Variants in MAPRE2 observed in about 807,000 individuals in gnomAD.
MAPRE2 encodes microtubule associated protein RP/EB family member 2, also known as microtubule-associated protein RP/EB family member 2.
A neutral mutation model predicts 43.2 loss-of-function variants in MAPRE2; 13 were observed. The observed-to-expected ratio is 0.30, with a 90% CI of 0.20 to 0.48. MAPRE2 has a LOEUF of 0.48. MAPRE2 is among the 20% of genes least tolerant of loss of function. The pLI, the probability that MAPRE2 is intolerant of heterozygous loss-of-function variation, is 0.99. For missense variants in MAPRE2, 161 were observed against 400.2 expected, an observed-to-expected ratio of 0.40 and a Z score of 5.10; for synonymous variants, 135 against 148.8, an observed-to-expected ratio of 0.91 and a Z score of 0.68.
At position 35,094,225 on chromosome 18, in the gene MAPRE2, T is replaced by G. The variant is rs535581247; in HGVS notation, c.251-3221T>G. ...AAAAGATCACACTTGTACCCCATAATGTATATAATTATTTATCAAAAACAA... is the reference window on the plus strand; with the variant it reads ...AAAAGATCACACTTGTACCCCATAAGGTATATAATTATTTATCAAAAACAA... On this transcript the variant is annotated intron_variant, in intron 2 of 6. Transcript: ENST00000300249. Among the ~76,000 whole-genome samples, 31 of 152,334 alleles carry G rather than the reference T, an allele frequency of 2.0e-4. No homozygotes were observed. In the South Asian group the frequency reaches 6.4e-3, roughly 32 times the overall value.
intron 2 of MAPRE2, among the ~76,000 whole-genome samples, chr18:35,022,045 A>G (rs904754676): frequency 6.6e-6 from 1 of 152,198 alleles, no homozygotes; most frequent in Non-Finnish European, 1.5e-5. Context: ...CATGCTTTCA[A>G]AGTTCTGAGG....
intron 1 of MAPRE2, among the ~76,000 whole-genome samples, chr18:35,051,594 T>C (rs1200803286): frequency 6.6e-6 from 1 of 152,168 alleles, no homozygotes; most frequent in African/African-American, 2.4e-5. Context: ...CCTACCTCCT[T>C]TCCTAACCTC....
intron 2 of MAPRE2, among the ~76,000 whole-genome samples, chr18:35,034,060 A>G (rs1361274248): frequency 6.6e-6 from 1 of 152,160 alleles, no homozygotes; most frequent in East Asian, 1.9e-4. Context: ...CACCAAGTCA[A>G]TCCTAAGCAA....
At chr18:35,077,659 C>T (rs1369599474) in intron 2 of MAPRE2, among the ~76,000 whole-genome samples, 1 of 152,172 alleles carries the variant, frequency 6.6e-6, no homozygotes, top group Non-Finnish European at 1.5e-5. Flanking sequence ...TCCATAGCCC[C>T]AGGGATCTTG....
intron 1 of MAPRE2, among the ~76,000 whole-genome samples, chr18:34,993,603 G>A (rs1160558106): frequency 1.3e-5 from 2 of 152,144 alleles, no homozygotes; most frequent in African/African-American, 2.4e-5. Context: ...AACAGAAGTC[G>A]GAATCATTTC....
chr18:35,113,135 C>A (rs1171207843), intron 4 of MAPRE2, among the ~76,000 whole-genome samples: 4 of 152,198 alleles, frequency 2.6e-5, no homozygotes, highest in Non-Finnish European at 5.9e-5. Context: ...AACATTCAGA[C>A]TATAGCACCT....
intron 3 of MAPRE2, among the ~76,000 whole-genome samples, chr18:35,100,098 C>A (rs186506758): frequency 6.6e-6 from 1 of 152,304 alleles, no homozygotes. Flanking sequence ...CACATGCTTA[C>A]ACACTCACAC....
intron 2 of MAPRE2, among the ~76,000 whole-genome samples, chr18:35,029,408 G>C (rs988779139): frequency 6.6e-6 from 1 of 152,122 alleles, no homozygotes; most frequent in African/African-American, 2.4e-5. Flanking sequence ...TCAGGAAGAC[G>C]CTTCCTTCCA....
intron 1 of MAPRE2, among the ~76,000 whole-genome samples, chr18:35,062,420 T>C (rs1906579420): frequency 6.6e-6 from 1 of 152,272 alleles, no homozygotes; most frequent in South Asian, 2.1e-4. Context: ...ACAAAACGGC[T>C]ATTTCTGTTA....
intron 2 of MAPRE2, among the ~76,000 whole-genome samples, chr18:35,093,663 G>A (rs1243800937): frequency 6.6e-6 from 1 of 152,166 alleles, no homozygotes; most frequent in Non-Finnish European, 1.5e-5. Context: ...AATAAGCCAG[G>A]CACAGAAAGA....
intron 4 of MAPRE2, among the ~76,000 whole-genome samples, chr18:35,125,177 G>T (rs1169533828): frequency 6.6e-6 from 1 of 152,104 alleles, no homozygotes; most frequent in African/African-American, 2.4e-5. Flanking sequence ...GCTTCTAGGG[G>T]GTGTGACTTG....
intron 6 of MAPRE2, among the ~76,000 whole-genome samples, chr18:35,138,294 C>A (rs2144262748): frequency 6.6e-6 from 1 of 152,166 alleles, no homozygotes; most frequent in South Asian, 2.1e-4. Flanking sequence ...GTGCAAGGGT[C>A]AGGAAGACAC....
intron 1 of MAPRE2, among the ~76,000 whole-genome samples, chr18:34,984,940 T>A (rs1247011093): frequency 6.6e-5 from 1 of 15,242 alleles, no homozygotes; most frequent in East Asian, 5.2e-3. Flanking sequence ...TGTTATATAA[T>A]ATATAAAATA....
chr18:35,108,777 T>G (rs1360590844), intron 4 of MAPRE2, among the ~76,000 whole-genome samples: 1 of 152,122 alleles, frequency 6.6e-6, no homozygotes, highest in East Asian at 1.9e-4. Context: ...AATGTCTTCT[T>G]TTGAGAAGTA....
intron 1 of MAPRE2, among the ~76,000 whole-genome samples, chr18:34,996,763 C>T (rs775836081): frequency 3.9e-4 from 59 of 152,284 alleles, no homozygotes; most frequent in African/African-American, 9.1e-4. Context: ...ACCTTGTATA[C>T]GAAGTCTTCA....
At chr18:35,005,191 G>C (rs2097031256) in intron 1 of MAPRE2, among the ~76,000 whole-genome samples, 1 of 151,908 alleles carries the variant, frequency 6.6e-6, no homozygotes. Flanking sequence ...ATCAGGGCAG[G>C]GGAAAAACAA....
intron 6 of MAPRE2, among the ~76,000 whole-genome samples, chr18:35,135,283 A>G (rs1910335926): frequency 6.6e-6 from 1 of 152,138 alleles, no homozygotes; most frequent in Admixed American, 6.5e-5. Context: ...GCAGAAAGAA[A>G]AGGAAGGCTG....
intron 6 of MAPRE2, among the ~76,000 whole-genome samples, chr18:35,137,729 G>GT (rs1910451318): frequency 6.6e-6 from 1 of 152,174 alleles, no homozygotes; most frequent in Non-Finnish European, 1.5e-5. Flanking sequence ...AGACAGATGT[G>GT]TAGCCACCCA....
intron 4 of MAPRE2, among the ~76,000 whole-genome samples, chr18:35,106,431 T>G (rs565263691): frequency 6.6e-5 from 10 of 152,098 alleles, no homozygotes; most frequent in African/African-American, 1.7e-4. Flanking sequence ...GGGACCAGAT[T>G]AGAGTGGAAA....
Sources: gnomAD v4.1 joint callset for allele counts (sites outside exome capture counted in the v4.1 genomes callset) on GRCh38, gnomAD v4.1.1 for gene constraint, MANE v1.5 for transcripts, NCBI Gene and HGNC (gene_info 2026-07-23, HGNC 2026-07-21) for gene names.